Variants in NAALADL2 observed in about 807,000 individuals in gnomAD.
NAALADL2 encodes inactive N-acetylated-alpha-linked acidic dipeptidase-like protein 2.
Under a neutral mutation model 87.2 loss-of-function variants are expected in NAALADL2, and 76 were observed. That is an observed-to-expected ratio of 0.87 (90% confidence interval 0.72 to 1.05). NAALADL2 has a LOEUF of 1.05. Among genes scored for constraint, NAALADL2 ranks in the 50% least tolerant of loss-of-function variants. The probability of loss-of-function intolerance (pLI) is 0.00; values close to 1 mark genes in which losing one functional copy is unlikely to be tolerated. For missense variants in NAALADL2, 1,089 were observed against 945.8 expected (o/e 1.15, Z -1.99); for synonymous variants, 354 against 331.0 (o/e 1.07, Z -0.75).
chr3:175,413,072 G>T (rs372681278), intron 5 of NAALADL2, among the ~76,000 whole-genome samples: 1 of 148,168 alleles, frequency 6.7e-6, no homozygotes. Context: ...TGTATTTTTA[G>T]TAGAGATGGG....
chr3:175,393,492 T>A (rs1199193990), intron 5 of NAALADL2, among the ~76,000 whole-genome samples: 3 of 151,966 alleles, frequency 2.0e-5, no homozygotes, highest in East Asian at 1.9e-4. Context: ...AGGTTATAAT[T>A]CTCAGTTTAT....
chr3:175,291,761 A>G (rs1218833477), intron 4 of NAALADL2, among the ~76,000 whole-genome samples: 1 of 152,136 alleles, frequency 6.6e-6, no homozygotes, highest in East Asian at 1.9e-4. Flanking sequence ...TAGTGAAGAG[A>G]GGAGAGTTTC....
chr3:174,592,012 C>T (rs1314547141), intron 2 of NAALADL2, among the ~76,000 whole-genome samples: 1 of 152,000 alleles, frequency 6.6e-6, no homozygotes, highest in Non-Finnish European at 1.5e-5. Flanking sequence ...GCTTTAATAA[C>T]AGGCTTAAGA....
In NAALADL2 at chr3:174,926,252, A is replaced by G. The variant is rs561453384; in HGVS notation, c.43+66802A>G. On this transcript the variant is annotated intron_variant, in intron 1 of 13. Transcript: ENST00000454872. ...TCTGATTGGTGTACCTGAAAGTGAC[A>G]GGGAGAATGGAACCAAGTTGGAAAA... Among the ~76,000 whole-genome samples, 16 of 152,312 alleles carry G rather than the reference A, an allele frequency of 1.1e-4. No homozygotes were observed. The South Asian group carries it at 3.1e-3, about 30-fold the overall frequency.
chr3:174,571,180 G>A (rs181216230), intron 2 of NAALADL2, among the ~76,000 whole-genome samples: 16 of 152,120 alleles, frequency 1.1e-4, no homozygotes, highest in Admixed American at 3.3e-4. Flanking sequence ...TCTTTTGTAC[G>A]TGGCAAAAAA....
intron 2 of NAALADL2, among the ~76,000 whole-genome samples, chr3:174,642,647 C>G (rs939830483): frequency 6.6e-6 from 1 of 151,314 alleles, no homozygotes; most frequent in African/African-American, 2.4e-5. Context: ...TAATAAGAAC[C>G]ATTGTCAGAG....
chr3:174,943,847 G>C (rs2108481830), intron 1 of NAALADL2, among the ~76,000 whole-genome samples: 1 of 152,276 alleles, frequency 6.6e-6, no homozygotes, highest in Non-Finnish European at 1.5e-5. Context: ...AGTAGTCCAA[G>C]AATAGCAAAG....
chr3:174,625,303 C>T (rs1274581502), intron 2 of NAALADL2, among the ~76,000 whole-genome samples: 1 of 152,028 alleles, frequency 6.6e-6, no homozygotes, highest in African/African-American at 2.4e-5. Context: ...AGTGATCTGC[C>T]AACCTCAGCC....
intron 1 of NAALADL2, among the ~76,000 whole-genome samples, chr3:174,954,995 C>G (rs540672904): frequency 1.4e-4 from 22 of 152,064 alleles, no homozygotes; most frequent in African/African-American, 4.3e-4. Context: ...TTTAAAGTCT[C>G]CTTATAAAAA....
At chr3:174,487,697 T>A (rs940009180) in intron 1 of NAALADL2, among the ~76,000 whole-genome samples, 7 of 145,882 alleles carry the variant, frequency 4.8e-5, no homozygotes, top group African/African-American at 1.8e-4. Flanking sequence ...GTAAGAGTGT[T>A]TTTTTTTTTT....
intron 1 of NAALADL2, among the ~76,000 whole-genome samples, chr3:175,072,170 A>G (rs1351528333): frequency 6.6e-6 from 1 of 152,046 alleles, no homozygotes; most frequent in Admixed American, 6.6e-5. Context: ...CAAGCTTTAC[A>G]CAAAAAAGGA....
chr3:175,266,480 A>C (rs1486666309), intron 4 of NAALADL2, among the ~76,000 whole-genome samples: 4 of 151,622 alleles, frequency 2.6e-5, no homozygotes, highest in Non-Finnish European at 5.9e-5. Flanking sequence ...ATAAAGTTAT[A>C]TTTATTCTTC....
At chr3:174,627,227 A>G (rs2108683405) in intron 2 of NAALADL2, among the ~76,000 whole-genome samples, 2 of 152,314 alleles carry the variant, frequency 1.3e-5, no homozygotes, top group African/African-American at 2.4e-5. Context: ...CCTAAATAAT[A>G]TTCTTGTAAA....
chr3:175,205,134 T>C (rs1000196049), intron 2 of NAALADL2, among the ~76,000 whole-genome samples: 1 of 151,758 alleles, frequency 6.6e-6, no homozygotes, highest in African/African-American at 2.4e-5. Context: ...CAAAAAAGTG[T>C]CCACATAGCC....
intron 3 of NAALADL2, among the ~76,000 whole-genome samples, chr3:174,797,152 T>G (rs1221095435): frequency 2.0e-5 from 3 of 152,008 alleles, no homozygotes; most frequent in Non-Finnish European, 4.4e-5. Flanking sequence ...GATATAAGGG[T>G]TCAGTTTCAT....
At chr3:174,556,191 C>T (rs1287636421) in intron 2 of NAALADL2, among the ~76,000 whole-genome samples, 1 of 152,110 alleles carries the variant, frequency 6.6e-6, no homozygotes, top group African/African-American at 2.4e-5. Context: ...GAGCCCTAAC[C>T]TCAAACTGCT....
At chr3:175,192,815 T>A (rs1418956576) in intron 2 of NAALADL2, among the ~76,000 whole-genome samples, 3 of 152,058 alleles carry the variant, frequency 2.0e-5, no homozygotes, top group African/African-American at 7.2e-5. Flanking sequence ...AATGTATTGA[T>A]AATTTTTAAT....
intron 2 of NAALADL2, among the ~76,000 whole-genome samples, chr3:174,716,642 A>AG (rs983333063): frequency 1.2e-4 from 17 of 145,828 alleles, no homozygotes; most frequent in South Asian, 2.3e-4. Context: ...GGCTAAGATT[A>AG]AAAAAAAAAA....
chr3:175,688,704 T>C (rs1474561423), intron 11 of NAALADL2, among the ~76,000 whole-genome samples: 1 of 152,082 alleles, frequency 6.6e-6, no homozygotes, highest in East Asian at 1.9e-4. Flanking sequence ...GGGGAAGGGC[T>C]AGGAGTGGAA....
Sources: allele counts gnomAD v4.1 joint callset (sites outside exome capture counted in the v4.1 genomes callset), GRCh38; gene constraint gnomAD v4.1.1; transcripts MANE v1.5; gene names NCBI Gene and HGNC (gene_info 2026-07-23, HGNC 2026-07-21).